Variants in SLC14A2 observed in about 807,000 individuals in gnomAD.
SLC14A2 encodes the protein urea transporter 2.
SLC14A2 carries 91 observed loss-of-function variants against 104.6 expected under a neutral mutation model. The observed-to-expected ratio is 0.87, with a 90% CI of 0.73 to 1.04. SLC14A2 has a LOEUF of 1.04. Among genes scored for constraint, SLC14A2 ranks in the 50% least tolerant of loss-of-function variants. The pLI, the probability that SLC14A2 is intolerant of heterozygous loss-of-function variation, is 0.00. For synonymous variants in SLC14A2, 476 were observed against 466.4 expected, an observed-to-expected ratio of 1.02 and a Z score of -0.27; for missense variants, 1,189 against 1,156.0, an observed-to-expected ratio of 1.03 and a Z score of -0.41.
chr18:45,246,956 G>T (rs1257012525), intron 1 of SLC14A2, among the ~76,000 whole-genome samples: 3 of 152,172 alleles, frequency 2.0e-5, no homozygotes, highest in Non-Finnish European at 4.4e-5. Context: ...AGACCATCCA[G>T]TTTGAAAAAG....
In SLC14A2 at chr18:45,669,502, C is replaced by A. The variant is rs537833197; in HGVS notation, c.2229+4C>A. The A allele has an allele frequency of 6.2e-7, 1 of 1,610,866 alleles. No homozygotes were observed. On this transcript the variant is annotated splice_donor_region_variant and intron_variant, in intron 16 of 19. Coordinates refer to ENST00000255226, the MANE Select transcript of SLC14A2 (RefSeq NM_007163.4). ...GTCAGAGGTCCAAGTGCCCTTGGTA[C>A]GTATCATGGAAGGAGGAAGGGCAGG... is the stretch of plus-strand genomic sequence containing the variant.
At chr18:45,193,069 T>G in the SLC14A2 span, among the ~76,000 whole-genome samples, 7 of 152,240 alleles carry the variant, frequency 4.6e-5, no homozygotes. Context: ...TTATATCTTT[T>G]GCTTATATTT....
At chr18:45,522,352 T>C (rs928421712) in intron 2 of SLC14A2, among the ~76,000 whole-genome samples, 32 of 152,288 alleles carry the variant, frequency 2.1e-4, no homozygotes, top group Middle Eastern at 3.4e-3. Context: ...CTTGCAGTAA[T>C]AAACTCGAGA....
At chr18:45,406,715 C>T (rs1197077249) in intron 1 of SLC14A2, among the ~76,000 whole-genome samples, 1 of 152,214 alleles carries the variant, frequency 6.6e-6, no homozygotes, top group African/African-American at 2.4e-5. Flanking sequence ...TCCCTACTAA[C>T]ACAACATCCA....
chr18:45,553,139 A>T (rs1440141691), intron 2 of SLC14A2, among the ~76,000 whole-genome samples: 1 of 152,172 alleles, frequency 6.6e-6, no homozygotes, highest in Non-Finnish European at 1.5e-5. Flanking sequence ...ATAACCTTAC[A>T]AACACTTCCC....
At chr18:45,485,515 G>A (rs752189006) in intron 2 of SLC14A2, among the ~76,000 whole-genome samples, 4 of 152,160 alleles carry the variant, frequency 2.6e-5, no homozygotes. Context: ...AATGTAGAGG[G>A]TTCTTGGAAA....
At chr18:45,494,899 A>G (rs2043064504) in intron 2 of SLC14A2, among the ~76,000 whole-genome samples, 2 of 79,882 alleles carry the variant, frequency 2.5e-5, no homozygotes, top group Admixed American at 3.2e-4. Context: ...GAATCGGGTC[A>G]TCACACACAC....
chr18:45,386,463 C>T (rs11660203), intron 1 of SLC14A2, among the ~76,000 whole-genome samples: 2 of 152,178 alleles, frequency 1.3e-5, no homozygotes, highest in East Asian at 1.9e-4. Flanking sequence ...AGGCACACGG[C>T]GCCCCCTAAT....
intron 1 of SLC14A2, among the ~76,000 whole-genome samples, chr18:45,283,693 T>C (rs2084785837): frequency 6.6e-6 from 1 of 152,254 alleles, no homozygotes. Context: ...CCTCTTTCAA[T>C]TCTGAGTTCA....
intron 1 of SLC14A2, among the ~76,000 whole-genome samples, chr18:45,458,600 C>G (rs530192395): frequency 1.3e-5 from 2 of 152,282 alleles, no homozygotes; most frequent in African/African-American, 4.8e-5. Flanking sequence ...CTCTCCTGGC[C>G]CATCAGCCAT....
intron 1 of SLC14A2, among the ~76,000 whole-genome samples, chr18:45,340,503 T>C (rs868713124): frequency 6.6e-6 from 1 of 152,222 alleles, no homozygotes. Context: ...ATTATGAAGG[T>C]AGAGTATCTC....
At chr18:45,448,544 C>T (rs1410381012) in intron 1 of SLC14A2, among the ~76,000 whole-genome samples, 2 of 152,100 alleles carry the variant, frequency 1.3e-5, no homozygotes, top group Non-Finnish European at 2.9e-5. Context: ...TACTAACTGC[C>T]ACTCCACATG....
chr18:45,443,477 C>T (rs1490341885), intron 1 of SLC14A2, among the ~76,000 whole-genome samples: 1 of 152,008 alleles, frequency 6.6e-6, no homozygotes, highest in Admixed American at 6.6e-5. Context: ...GGATGTGTGG[C>T]AGAACTGTCT....
At chr18:45,359,122 C>T (rs1030205515) in intron 1 of SLC14A2, among the ~76,000 whole-genome samples, 1 of 152,192 alleles carries the variant, frequency 6.6e-6, no homozygotes, top group African/African-American at 2.4e-5. Context: ...AAGCAGCAAT[C>T]CAATGCCTTA....
At chr18:45,199,179 T>C in the SLC14A2 span, among the ~76,000 whole-genome samples, 1 of 152,196 alleles carries the variant, frequency 6.6e-6, no homozygotes, top group Non-Finnish European at 1.5e-5. Context: ...TGATGGATTT[T>C]ATGGTGTCTT....
chr18:45,315,890 T>C (rs1378289623), intron 1 of SLC14A2, among the ~76,000 whole-genome samples: 2 of 152,210 alleles, frequency 1.3e-5, no homozygotes, highest in Non-Finnish European at 2.9e-5. Flanking sequence ...CCATATTCCA[T>C]TGCTCCTTTT....
chr18:45,669,542 A>C (rs369772814), intron 16 of SLC14A2, 44 bp downstream of exon 16: 8 of 1,496,458 alleles, frequency 5.3e-6, no homozygotes, highest in Non-Finnish European at 7.3e-6. Context: ...TCCACACTGG[A>C]TGTTACTGGC....
chr18:45,632,460 C>T lies in SLC14A2; in HGVS notation c.632C>T (p.Thr211Ile). 1 of 1,613,968 alleles carries T rather than the reference C, an allele frequency of 6.2e-7. No homozygotes were observed. Residue 211 changes from threonine to isoleucine, a missense_variant, in exon 5 of 20, where the codon ACC becomes ATC. Coordinates refer to ENST00000255226, the MANE Select transcript of SLC14A2 (RefSeq NM_007163.4). ...DYYWWLLFPV[T>I]FTAMSCPVLS... ...TACTGGTGGCTTCTGTTTCCTGTGACCTTCACAGCCATGTCCTGGTGAGGC... is the reference window on the plus strand; with the variant it reads ...TACTGGTGGCTTCTGTTTCCTGTGATCTTCACAGCCATGTCCTGGTGAGGC...
chr18:45,282,494 A>G (rs1251618981), intron 1 of SLC14A2, among the ~76,000 whole-genome samples: 3 of 152,008 alleles, frequency 2.0e-5, no homozygotes, highest in African/African-American at 7.3e-5. Context: ...GCTTGTCCTT[A>G]CCTCTTATAA....
Sources: allele counts gnomAD v4.1 joint callset (sites outside exome capture counted in the v4.1 genomes callset), GRCh38; gene constraint gnomAD v4.1.1; transcripts MANE v1.5; gene names NCBI Gene and HGNC (gene_info 2026-07-23, HGNC 2026-07-21).